The following ADD3 variants were observed in gnomAD, a reference collection of about 807,000 sequenced individuals.
ADD3 encodes gamma-adducin.
A neutral mutation model predicts 80.2 loss-of-function variants in ADD3; 25 were observed. That is an observed-to-expected ratio of 0.31 (90% CI 0.23 to 0.44). The LOEUF is 0.44. Ranked by LOEUF, ADD3 falls within the 20% of genes least tolerant of loss-of-function variation. The pLI, the probability that ADD3 is intolerant of heterozygous loss-of-function variation, is 1.00. For synonymous variants in ADD3, 284 were observed against 289.6 expected (o/e 0.98, Z 0.20); for missense variants, 829 against 847.5 (o/e 0.98, Z 0.27).
rs1857857851 is a variant in ADD3 at position 110,054,180 on chromosome 10, T to C, written c.-30+45881T>C. ...GTGTGAAAGATGTACCTGACTTTGA[T>C]TAAAATTTATTTTGGGGGAATGGTA... On this transcript the variant is annotated intron_variant, in intron 1 of 14. Coordinates refer to ENST00000356080, the MANE Select transcript of ADD3 (RefSeq NM_016824.5). Among the ~76,000 whole-genome samples, 3 of 152,234 alleles carry C rather than the reference T, an allele frequency of 2.0e-5. 1 individual carries two copies. Among genetic ancestry groups the C allele is most frequent in the Non-Finnish European group, 4.4e-5 (3 of 68,034 alleles).
At chr10:109,998,134 T>C (rs1851415961) in intron 1 of ADD3, among the ~76,000 whole-genome samples, 1 of 152,126 alleles carries the variant, frequency 6.6e-6, no homozygotes, top group Admixed American at 6.6e-5. Context: ...AACAAAATAA[T>C]TATAAAGTGG....
At chr10:110,106,616 C>T (rs933944409) in intron 2 of ADD3, among the ~76,000 whole-genome samples, 1 of 152,044 alleles carries the variant, frequency 6.6e-6, no homozygotes, top group South Asian at 2.1e-4. Flanking sequence ...TAGCCTCACT[C>T]CCTCGACATT....
In ADD3 at chr10:110,100,842, A is replaced by C. The variant is rs769661014; in HGVS notation, c.189A>C (p.Gln63His). 8 of 1,596,668 alleles carry C rather than the reference A, an allele frequency of 5.0e-6. No individual in the cohort carries two copies. In the East Asian group the frequency reaches 1.8e-4, roughly 37 times the overall value. Residue 63 changes from glutamine (Q) to histidine (H), a missense_variant, in exon 2 of 15, where the codon CAA becomes CAC. Coordinates refer to ENST00000356080, the MANE Select transcript of ADD3 (RefSeq NM_016824.5). ...EQRKRVTQIL[Q>H]SPAFREDLEC... ...GGAAACGAGTTACTCAGATCCTGCA[A>C]AGTCCTGTGAGTTGAATTAGAAGGC...
At chr10:110,065,894 T>C (rs1409054869) in intron 1 of ADD3, among the ~76,000 whole-genome samples, 4 of 151,992 alleles carry the variant, frequency 2.6e-5, no homozygotes, top group African/African-American at 9.7e-5. Context: ...TGCTTCATTC[T>C]CGCTAGTTTT....
chr10:110,045,559 A>G (rs1367362528), intron 1 of ADD3, among the ~76,000 whole-genome samples: 1 of 152,218 alleles, frequency 6.6e-6, no homozygotes, highest in Non-Finnish European at 1.5e-5. Context: ...GTTTTGGAAA[A>G]TTATTTGGAG....
intron 1 of ADD3, among the ~76,000 whole-genome samples, chr10:110,095,885 G>C (rs1036968912): frequency 6.6e-6 from 1 of 152,154 alleles, no homozygotes; most frequent in Non-Finnish European, 1.5e-5. Flanking sequence ...ATTTTCATTT[G>C]TATAATATTC....
intron 1 of ADD3, among the ~76,000 whole-genome samples, chr10:110,040,829 A>G (rs938569028): frequency 6.6e-6 from 1 of 152,204 alleles, no homozygotes; most frequent in Non-Finnish European, 1.5e-5. Context: ...AACAGAAGGA[A>G]TGATGGAGTT....
intron 1 of ADD3, among the ~76,000 whole-genome samples, chr10:110,026,428 G>A (rs543846771): frequency 5.3e-4 from 80 of 151,990 alleles, no homozygotes; most frequent in African/African-American, 1.9e-3. Context: ...TTACAGGCAC[G>A]TGCCACCACG....
chr10:110,120,443 A>T (rs1851343731), intron 8 of ADD3, among the ~76,000 whole-genome samples: 1 of 151,774 alleles, frequency 6.6e-6, no homozygotes, highest in Non-Finnish European at 1.5e-5. Flanking sequence ...TATGGTGTAT[A>T]TGTGCCACAT....
chr10:110,007,165 T>C (rs1389749548), upstream of ADD3, among the ~76,000 whole-genome samples: 1 of 152,240 alleles, frequency 6.6e-6, no homozygotes, highest in Non-Finnish European at 1.5e-5. Flanking sequence ...TTGAAGGTTC[T>C]TGGCGATGCC....
At chr10:110,023,381 C>G (rs1010960657) in intron 1 of ADD3, among the ~76,000 whole-genome samples, 1 of 152,138 alleles carries the variant, frequency 6.6e-6, no homozygotes, top group African/African-American at 2.4e-5. Flanking sequence ...GGCTTCAGAA[C>G]TGAGAGAAAT....
chr10:110,117,822 T>C (rs1167152020), intron 5 of ADD3, among the ~76,000 whole-genome samples: 1 of 152,064 alleles, frequency 6.6e-6, no homozygotes, highest in Non-Finnish European at 1.5e-5. Context: ...AAGACCAGCC[T>C]GACCAACATG....
intron 10 of ADD3, 142 bp downstream of exon 10, chr10:110,124,416 C>G: frequency 1.0e-6 from 1 of 977,838 alleles, no homozygotes; most frequent in East Asian, 2.7e-5. Context: ...TAACTTTGTG[C>G]AAGACACTCT....
Position 109,999,210 on chromosome 10 carries a change from C to T in ADD3, n.79+2764C>T, listed in dbSNP as rs1393739806. ...AAATTTGCCCTACACAAACTCTCTACTCCAGGCAAACAGATTTGTTTGCTA... is the reference window on the plus strand; with the variant it reads ...AAATTTGCCCTACACAAACTCTCTATTCCAGGCAAACAGATTTGTTTGCTA... On this transcript the variant is annotated intron_variant and non_coding_transcript_variant, in intron 1 of 5. Coordinates refer to the ADD3 transcript ENST00000468251. Among the ~76,000 whole-genome samples the T allele has an allele frequency of 3.3e-5, 5 of 152,318 alleles. No homozygotes were observed. In the East Asian group the frequency reaches 9.6e-4, roughly 29 times the overall value.
upstream of ADD3, among the ~76,000 whole-genome samples, chr10:110,006,353 A>C (rs558774654): frequency 6.6e-6 from 1 of 152,250 alleles, no homozygotes; most frequent in East Asian, 1.9e-4. Flanking sequence ...TTTTTTTGCT[A>C]TTCATAAAAA....
At chr10:110,125,656 G>A (rs1164934779) in intron 10 of ADD3, 170 bp from the exon 11 acceptor site, 12 of 400,564 alleles carry the variant, frequency 3.0e-5, no homozygotes, top group East Asian at 2.6e-4. Context: ...TGTTGATTTT[G>A]AGCCTTTTCT....
chr10:110,087,535 A>G (rs962884078), intron 1 of ADD3, among the ~76,000 whole-genome samples: 3 of 152,330 alleles, frequency 2.0e-5, no homozygotes, highest in Admixed American at 6.5e-5. Context: ...AAGAATGTTC[A>G]TATTTTTCTT....
At chr10:110,073,491 G>A (rs1564929913) in intron 1 of ADD3, among the ~76,000 whole-genome samples, 1 of 152,140 alleles carries the variant, frequency 6.6e-6, no homozygotes, top group Non-Finnish European at 1.5e-5. Context: ...TACCGATAGG[G>A]TTGCTGTGGA....
At chr10:110,048,717 T>A (rs1276815905) in intron 1 of ADD3, among the ~76,000 whole-genome samples, 1 of 152,144 alleles carries the variant, frequency 6.6e-6, no homozygotes, top group African/African-American at 2.4e-5. Flanking sequence ...TAACAAAGCA[T>A]TCAAGAGGTG....
Sources: gnomAD v4.1 joint callset for allele counts (sites outside exome capture counted in the v4.1 genomes callset) on GRCh38, gnomAD v4.1.1 for gene constraint, MANE v1.5 for transcripts, NCBI Gene and HGNC (gene_info 2026-07-23, HGNC 2026-07-21) for gene names.